Variants in HSPA9 observed in about 807,000 individuals in gnomAD.
HSPA9 encodes stress-70 protein, mitochondrial.
In HSPA9, 28 loss-of-function variants were observed where a neutral mutation model predicts 81.5. That is an observed-to-expected ratio of 0.34 (90% CI 0.25 to 0.47). The LOEUF is 0.47. Ranked by LOEUF, HSPA9 falls within the 20% of genes least tolerant of loss-of-function variation. HSPA9 has a pLI of 1.00. For synonymous variants in HSPA9, 293 were observed against 290.4 expected (o/e 1.01, Z -0.09); for missense variants, 678 against 838.0 (o/e 0.81, Z 2.36).
chr5:138,558,461 G>GC, intron 12 of HSPA9, 92 bp downstream of exon 12: 2 of 870,814 alleles, frequency 2.3e-6, no homozygotes, highest in Non-Finnish European at 3.9e-6. Context: ...GTATGTGTAT[G>GC]CCAGCAGTTT....
intron 3 of HSPA9, among the ~76,000 whole-genome samples, chr5:138,572,677 T>G (rs1041011676): frequency 2.0e-5 from 3 of 152,142 alleles, no homozygotes; most frequent in African/African-American, 7.2e-5. Context: ...AATCTCCTCT[T>G]CTGAAATAAC....
rs191281823 is a variant in HSPA9 at position 138,567,637 on chromosome 5, A to G, written c.609+12T>C. The G allele has an allele frequency of 6.2e-7, 1 of 1,612,872 alleles. No homozygotes were observed. Among genetic ancestry groups the G allele is most frequent in the African/African-American group, 1.3e-5 (1 of 75,022 alleles). On this transcript the variant is annotated intron_variant, in intron 6 of 16. Coordinates refer to ENST00000297185, the MANE Select transcript of HSPA9 (RefSeq NM_004134.7). The stretch of plus-strand genomic sequence containing the variant: ...CTTACTTTTTGTGAATAAGAATGCT[A>G]ATTGACCTCACCTGTCTCTGCGAGT...
In HSPA9 at chr5:138,567,456, C is replaced by A. The variant is rs758625540; in HGVS notation, c.715G>T (p.Val239Phe). ...AYGLDKSEDK[V>F]IAVYDLGGGT... ...GAGAAATTTACTGCACAAACTTACA[C>A]TTTGTCTTCTGATTTGTCTAGACCA... The change falls in exon 7 of 17, where the codon GTC (valine) becomes TTC (phenylalanine). Residue 239 changes from valine (V) to phenylalanine (F), a missense_variant and splice_region_variant. Transcript: ENST00000297185. 1 of 1,607,980 alleles carries A rather than the reference C, an allele frequency of 6.2e-7. No individual in the cohort carries two copies. The highest frequency in any genetic ancestry group is 8.5e-7 in the Non-Finnish European group (1 of 1,174,452).
chr5:138,560,259 C>T (rs1750625312), intron 10 of HSPA9, among the ~76,000 whole-genome samples, 168 bp from the exon 11 acceptor site: 1 of 152,220 alleles, frequency 6.6e-6, no homozygotes, highest in Non-Finnish European at 1.5e-5. Context: ...TGCTAATGAT[C>T]TTCTAACACT....
chr5:138,574,844 A>G (rs1561863359), intron 1 of HSPA9: 5 of 206,420 alleles, frequency 2.4e-5, no homozygotes. Context: ...ATTTTATTTC[A>G]CCGTATCAAC....
intron 7 of HSPA9, 37 bp downstream of exon 7, chr5:138,567,418 C>T: frequency 6.7e-7 from 1 of 1,490,866 alleles, no homozygotes; most frequent in African/African-American, 1.4e-5. Flanking sequence ...ACTTTAGTTT[C>T]ACACATCCAG....
chr5:138,566,025 A>G (rs774142619), intron 9 of HSPA9, among the ~76,000 whole-genome samples: 9 of 152,122 alleles, frequency 5.9e-5, no homozygotes, highest in Non-Finnish European at 1.2e-4. Context: ...TGTCTGTACT[A>G]TAAATACAAA....
chr5:138,572,239 T>C (rs772419172), intron 3 of HSPA9, among the ~76,000 whole-genome samples: 1 of 150,172 alleles, frequency 6.7e-6, no homozygotes, highest in Admixed American at 6.6e-5. Flanking sequence ...CTGGCCCTGA[T>C]TTACATTTTA....
chr5:138,575,392 C>A lies in HSPA9; in HGVS notation c.-74G>T, dbSNP rs564220983. The A allele has an allele frequency of 2.6e-5, 35 of 1,331,274 alleles. No homozygotes were observed. The East Asian group carries it at 5.4e-4, about 20-fold the overall frequency. 82.5% of individuals were successfully genotyped at this position (1,331,274 alleles called of 1,614,324 possible). ...AAAGAGCTGCGCGATGCGGTGGCGG[C>A]AGCGCTTCTGGAAACCTCCAACCAC... On this transcript the variant is annotated 5_prime_UTR_variant, in exon 1 of 17. Transcript: ENST00000297185.
intron 14 of HSPA9, 62 bp from the exon 15 acceptor site, chr5:138,556,928 A>G: frequency 1.9e-6 from 2 of 1,071,722 alleles, no homozygotes; most frequent in African/African-American, 1.5e-5. Context: ...CTGAATGTCT[A>G]TACTCAGACA....
chr5:138,569,860 T>C (rs1750840221), intron 4 of HSPA9, among the ~76,000 whole-genome samples: 2 of 151,980 alleles, frequency 1.3e-5, no homozygotes, highest in East Asian at 3.9e-4. Context: ...GCCTAAAACA[T>C]TTTGTATACA....
At chr5:138,569,898 T>G (rs1292105203) in intron 4 of HSPA9, among the ~76,000 whole-genome samples, 5 of 149,540 alleles carry the variant, frequency 3.3e-5, no homozygotes, top group Non-Finnish European at 7.4e-5. Flanking sequence ...TGCTTCTAGT[T>G]TTTTTTTTTT....
At position 138,568,848 on chromosome 5, in the gene HSPA9, T is replaced by C. The variant is rs567505064; in HGVS notation, c.535+77A>G. The C allele has an allele frequency of 1.4e-4, 205 of 1,484,170 alleles. 1 individual carries two copies. Among genetic ancestry groups the C allele is most frequent in the South Asian group, 4.8e-4 (42 of 87,770 alleles). The allele number at this position is 1,484,170 out of a possible 1,614,324, so 91.9% of individuals were successfully genotyped here. Reference sequence around the variant, plus strand: ...GGACCACAGATTCATCTACAGGAGCTGGAGCACAGGGAGCTAGTGATCTCA... The same window carrying C: ...GGACCACAGATTCATCTACAGGAGCCGGAGCACAGGGAGCTAGTGATCTCA... On this transcript the variant is annotated intron_variant, in intron 5 of 16. Transcript: ENST00000297185.
chr5:138,574,162 T>G (rs757375404), intron 1 of HSPA9, 36 bp from the exon 2 acceptor site: 2 of 1,503,946 alleles, frequency 1.3e-6, no homozygotes. Flanking sequence ...CACCAACCAG[T>G]GTGTATCCTG....
Position 138,567,542 on chromosome 5 carries a change from T to C in HSPA9, c.629A>G (p.Gln210Arg). The change falls in exon 7 of 17, where the codon CAG becomes CGG. Residue 210 changes from glutamine to arginine, a missense_variant. Gln to Arg is a conservative substitution (Grantham distance 43, BLOSUM62 1). This residue lies in a region of HSPA9 where 484 missense variants were observed against 647.5 expected (regional missense o/e 0.75). Transcript: ENST00000297185. ...CCGAAGCACATTCAGTCCAGATATC[T>C]GGCCAGCATCTTTAGTGGCCTAGAG... ...SQRQATKDAG[Q>R]ISGLNVLRVI... is the part of the protein sequence containing the mutation. The C allele has an allele frequency of 6.2e-7, 1 of 1,614,070 alleles. No homozygotes were observed. The highest frequency in any genetic ancestry group is 8.5e-7 in the Non-Finnish European group (1 of 1,179,894).
chr5:138,570,739 C>G lies in HSPA9; in HGVS notation c.410+221G>C, dbSNP rs527395741. 813 of 493,250 alleles carry G rather than the reference C, an allele frequency of 1.6e-3. 2 individuals are homozygous for G. The highest frequency in any genetic ancestry group is 2.8e-3 in the Non-Finnish European group (747 of 270,072). The allele number at this position is 493,250 out of a possible 1,614,324, so 30.6% of individuals were successfully genotyped here. On this transcript the variant is annotated intron_variant, in intron 4 of 16. Transcript: ENST00000297185. ...ACTTCAGGTGATCCACCCACCTCGGCCTCCCAAAGTGCTAGGATTACAGGT... is the reference window on the plus strand; with the variant it reads ...ACTTCAGGTGATCCACCCACCTCGGGCTCCCAAAGTGCTAGGATTACAGGT...
rs1456362813 is a variant in HSPA9 at position 138,574,121 on chromosome 5, G to T, written c.87C>A (p.Ser29Arg). The change falls in exon 2 of 17, where the codon AGC becomes AGA. Residue 29 changes from serine to arginine, a missense_variant. By Grantham distance (110) the Ser-to-Arg change is moderately radical. Around this residue, in one of 4 missense-constraint regions of HSPA9, gnomAD observed 89 missense variants for 70.4 expected, o/e 1.27. Transcript: ENST00000297185. ...RGPTAARHQD[S>R]WNGLSHEAFR... ...AAGCCTCATGACTAAGGCCATTCCA[G>T]CTATCCTAAAAAAGAAAAAACTGAC... 1 of 1,613,392 alleles carries T rather than the reference G, an allele frequency of 6.2e-7. No individual in the cohort carries two copies. The highest frequency in any genetic ancestry group is 8.5e-7 in the Non-Finnish European group (1 of 1,179,426).
chr5:138,565,967 C>A (rs942959788), intron 9 of HSPA9, among the ~76,000 whole-genome samples: 14 of 152,146 alleles, frequency 9.2e-5, no homozygotes, highest in Non-Finnish European at 2.1e-4. Flanking sequence ...AGGTCAATCA[C>A]CTGAGGTCAG....
chr5:138,566,935 G>C (rs1337579616), intron 8 of HSPA9, 66 bp downstream of exon 8: 2 of 1,509,620 alleles, frequency 1.3e-6, no homozygotes, highest in African/African-American at 2.7e-5. Context: ...ACAAAGCAAA[G>C]AGCAATCTGA....
Sources: gnomAD v4.1 joint callset for allele counts (sites outside exome capture counted in the v4.1 genomes callset) on GRCh38, gnomAD v4.1.1 for gene constraint, gnomAD v4.1.1 regional missense constraint, MANE v1.5 for transcripts, NCBI Gene and HGNC (gene_info 2026-07-23, HGNC 2026-07-21) for gene names.